Variants in CERT1 observed in about 807,000 individuals in gnomAD.
CERT1 encodes ceramide transfer protein.
Under a neutral mutation model 87.9 loss-of-function variants are expected in CERT1, and 31 were observed. That is an observed-to-expected ratio of 0.35 (90% CI 0.27 to 0.48). CERT1 has a LOEUF of 0.48. Among genes scored for constraint, CERT1 ranks in the 20% least tolerant of loss-of-function variants. The pLI is 0.99. For missense variants in CERT1, 487 were observed against 758.0 expected (o/e 0.64, Z 4.20); for synonymous variants, 289 against 250.9 (o/e 1.15, Z -1.44).
chr5:75,425,353 T>C lies in CERT1; in HGVS notation c.595+8A>G. On this transcript the variant is annotated splice_region_variant and intron_variant, in intron 5 of 16. Transcript: ENST00000643780. ...CCAAGTAAAAATAGTGGTAATAGCCTAATTAACCTTTATCCCTTTGAAGTT... is the reference window on the plus strand; with the variant it reads ...CCAAGTAAAAATAGTGGTAATAGCCCAATTAACCTTTATCCCTTTGAAGTT... The C allele has an allele frequency of 6.2e-7, 1 of 1,610,466 alleles. No homozygotes were observed. Among genetic ancestry groups the C allele is most frequent in the East Asian group, 2.2e-5 (1 of 44,834 alleles).
chr5:75,479,241 T>C (rs1019183589), intron 2 of CERT1, among the ~76,000 whole-genome samples: 1 of 152,208 alleles, frequency 6.6e-6, no homozygotes, highest in African/African-American at 2.4e-5. Context: ...GCATCATAAA[T>C]AATTGCTAAA....
chr5:75,379,877 C>T (rs978380781), intron 16 of CERT1, among the ~76,000 whole-genome samples: 4 of 152,132 alleles, frequency 2.6e-5, no homozygotes, highest in African/African-American at 9.7e-5. Context: ...TCACTGTACC[C>T]AGCTGGACCA....
intron 2 of CERT1, among the ~76,000 whole-genome samples, chr5:75,473,715 A>G (rs1361686865): frequency 1.3e-5 from 2 of 152,158 alleles, no homozygotes; most frequent in Non-Finnish European, 2.9e-5. Context: ...AAAAATGCTG[A>G]GAGTGGATGC....
chr5:75,501,605 G>A (rs1048908465), intron 2 of CERT1, among the ~76,000 whole-genome samples: 9 of 152,180 alleles, frequency 5.9e-5, no homozygotes, highest in African/African-American at 2.2e-4. Context: ...GGAACTGGTT[G>A]ATGAAATACC....
rs187069099 is a variant in CERT1 at position 75,467,462 on chromosome 5, G to T, written c.232-8281C>A. On this transcript the variant is annotated intron_variant, in intron 2 of 16. Coordinates refer to ENST00000643780, the MANE Select transcript of CERT1 (RefSeq NM_001379029.1). ...TCAAGACTAGCCTGGTCAACATGGC[G>T]AAACCCCATCTCTACCAAAAATACA... Among the ~76,000 whole-genome samples the T allele has an allele frequency of 1.5e-3, 225 of 152,012 alleles. 1 individual carries two copies. Among genetic ancestry groups the T allele is most frequent in the Admixed American group, 7.4e-3 (113 of 15,276 alleles).
Position 75,511,120 on chromosome 5 carries a change from G to T in CERT1, c.88C>A (p.Leu30Ile). ...SGPPVERCGV[L>I]SKWTNYIHGW... The stretch of plus-strand genomic sequence containing the variant: ...CACCAGGGGTTGCTCACCTTACTGA[G>T]GACCCCGCAGCGCTCCACAGGCGGC... The change falls in exon 1 of 17, where the codon CTC (leucine) becomes ATC (isoleucine). Residue 30 changes from leucine (L) to isoleucine (I), a missense_variant. Leu to Ile is a conservative substitution (Grantham distance 5, BLOSUM62 2). Around this residue, in one of 8 missense-constraint regions of CERT1, gnomAD observed 173 missense variants for 302.2 expected, o/e 0.57. Transcript: ENST00000643780. 6 of 1,585,536 alleles carry T rather than the reference G, an allele frequency of 3.8e-6. No individual in the cohort carries two copies. The highest frequency in any genetic ancestry group is 5.1e-6 in the Non-Finnish European group (6 of 1,165,998).
intron 3 of CERT1, among the ~76,000 whole-genome samples, chr5:75,441,306 T>G (rs1428962615): frequency 2.0e-5 from 3 of 152,178 alleles, no homozygotes; most frequent in African/African-American, 7.2e-5. Flanking sequence ...AAGTGTGTAA[T>G]AGACTATACC....
intron 1 of CERT1, among the ~76,000 whole-genome samples, chr5:75,508,767 A>C (rs1767778208): frequency 2.0e-5 from 3 of 152,196 alleles, no homozygotes; most frequent in African/African-American, 7.2e-5. Flanking sequence ...GAATGATGGC[A>C]AAATAAGAAA....
intron 3 of CERT1, among the ~76,000 whole-genome samples, chr5:75,451,182 A>T (rs1221763423): frequency 6.6e-6 from 1 of 152,178 alleles, no homozygotes; most frequent in Admixed American, 6.5e-5. Flanking sequence ...GTGGTGTTTT[A>T]AAAAAATTTA....
At chr5:75,489,278 C>CAA (rs1766663876) in intron 2 of CERT1, among the ~76,000 whole-genome samples, 1 of 152,000 alleles carries the variant, frequency 6.6e-6, no homozygotes, top group Admixed American at 6.6e-5. Context: ...ATGTAAGACC[C>CAA]AAAACCATAA....
chr5:75,475,621 T>TC (rs1458817166), intron 2 of CERT1, among the ~76,000 whole-genome samples: 1 of 152,082 alleles, frequency 6.6e-6, no homozygotes, highest in Non-Finnish European at 1.5e-5. Context: ...GTTCCTGGGG[T>TC]CCCTTTTCTT....
intron 11 of CERT1, among the ~76,000 whole-genome samples, chr5:75,393,269 G>C (rs999908572): frequency 6.6e-6 from 1 of 151,754 alleles, no homozygotes; most frequent in African/African-American, 2.4e-5. Context: ...AAATGATTAG[G>C]TGACATTCAA....
intron 17 of CERT1, chr5:75,370,454 G>A (rs1262810745): frequency 1.3e-5 from 2 of 152,162 alleles, no homozygotes; most frequent in Non-Finnish European, 2.9e-5. Flanking sequence ...TCATTCACCA[G>A]CACTGTGCTT....
At chr5:75,434,517 G>A (rs984351666) in intron 3 of CERT1, among the ~76,000 whole-genome samples, 8 of 152,020 alleles carry the variant, frequency 5.3e-5, no homozygotes, top group African/African-American at 1.7e-4. Flanking sequence ...GAGTTAGGGA[G>A]GAATATGTAC....
chr5:75,436,686 C>T (rs556913419), intron 3 of CERT1, among the ~76,000 whole-genome samples: 10 of 152,138 alleles, frequency 6.6e-5, no homozygotes, highest in African/African-American at 2.2e-4. Flanking sequence ...TAATAATACC[C>T]CCTACAACTT....
intron 2 of CERT1, among the ~76,000 whole-genome samples, chr5:75,468,488 G>T (rs1280555180): frequency 6.6e-6 from 1 of 152,094 alleles, no homozygotes; most frequent in Non-Finnish European, 1.5e-5. Context: ...ATCCAGGTTG[G>T]TATCTGTGAA....
chr5:75,372,904 AT>A (rs1395176677), downstream of CERT1: 2 of 152,268 alleles, frequency 1.3e-5, no homozygotes, highest in Non-Finnish European at 2.9e-5. Flanking sequence ...AATGCCTCTG[AT>A]TTGTATAAAT....
In CERT1 at chr5:75,511,416, G is replaced by A. The variant is rs1278777022; in HGVS notation, c.-209C>T. On this transcript the variant is annotated 5_prime_UTR_variant, in exon 1 of 17. Coordinates refer to ENST00000643780, the MANE Select transcript of CERT1 (RefSeq NM_001379029.1). ...GGAGCGAGGAAGGAGGACGAGCGGT[G>A]AAGGAAGCCTACCCTTCCAGCCGTC... 6.5e-7 allele frequency: 1 copy of A among 1,545,242 alleles called. No individual in the cohort carries two copies. Among genetic ancestry groups the A allele is most frequent in the Non-Finnish European group, 8.7e-7 (1 of 1,145,488 alleles).
chr5:75,447,783 T>A (rs1411407705), intron 3 of CERT1, among the ~76,000 whole-genome samples: 1 of 152,000 alleles, frequency 6.6e-6, no homozygotes, highest in Non-Finnish European at 1.5e-5. Flanking sequence ...CTCCTTTTTT[T>A]TTTTGTTAAA....
Sources: allele counts gnomAD v4.1 joint callset (sites outside exome capture counted in the v4.1 genomes callset), GRCh38; gene constraint gnomAD v4.1.1; regional missense constraint gnomAD v4.1.1; transcripts MANE v1.5; gene names NCBI Gene and HGNC (gene_info 2026-07-23, HGNC 2026-07-21).